XKR9: variants seen among roughly 807,000 people sequenced by gnomAD.
XKR9 encodes XK-related protein 9.
Under a neutral mutation model 32.0 loss-of-function variants are expected in XKR9, and 32 were observed. The ratio of observed to expected loss-of-function variants is 1.00; its 90% CI spans 0.76 to 1.34. The LOEUF is 1.34. XKR9 is among the 40% of genes most tolerant of loss of function. The probability of loss-of-function intolerance (pLI) is 0.00; values close to 1 mark genes in which losing one functional copy is unlikely to be tolerated. For missense variants in XKR9, 546 were observed against 429.7 expected, an observed-to-expected ratio of 1.27 and a Z score of -2.39; for synonymous variants, 168 against 143.4, an observed-to-expected ratio of 1.17 and a Z score of -1.22.
the XKR9 span, among the ~76,000 whole-genome samples, chr8:71,032,300 A>AAAAAAAC: frequency 6.7e-6 from 1 of 148,934 alleles, no homozygotes; most frequent in Non-Finnish European, 1.5e-5. Flanking sequence ...AAAAAAAAAA[A>AAAAAAAC]AAAAAAAACC....
At chr8:70,807,730 G>T in the XKR9 span, among the ~76,000 whole-genome samples, 1 of 152,182 alleles carries the variant, frequency 6.6e-6, no homozygotes, top group Non-Finnish European at 1.5e-5. Context: ...AAATATATAT[G>T]CACCAAATAC....
the XKR9 span, among the ~76,000 whole-genome samples, chr8:71,041,708 A>T: frequency 1.3e-5 from 2 of 152,046 alleles, no homozygotes; most frequent in Admixed American, 1.3e-4. Context: ...GATGGTTTAA[A>T]AGTGTCAGTT....
At chr8:70,920,711 CCTTTT>C in the XKR9 span, among the ~76,000 whole-genome samples, 28 of 151,486 alleles carry the variant, frequency 1.8e-4, no homozygotes, top group Non-Finnish European at 4.0e-4. Context: ...TTATTTTTTT[CCTTTT>C]CTTTTCTGTT....
At chr8:70,864,110 T>G in the XKR9 span, among the ~76,000 whole-genome samples, 978 of 152,342 alleles carry the variant, frequency 6.4e-3, 9 homozygotes, top group Non-Finnish European at 0.011. Flanking sequence ...TATTGAGCAC[T>G]GGCTATGTGC....
intron 4 of XKR9, among the ~76,000 whole-genome samples, chr8:70,715,777 A>C (rs142545152): frequency 3.9e-4 from 60 of 152,334 alleles, no homozygotes; most frequent in African/African-American, 1.4e-3. Flanking sequence ...TAACCTTAAC[A>C]GTGAAATTAA....
chr8:70,794,279 A>C (rs964596188), downstream of XKR9, among the ~76,000 whole-genome samples: 2 of 152,056 alleles, frequency 1.3e-5, no homozygotes, highest in Non-Finnish European at 2.9e-5. Flanking sequence ...TTTACAGTTA[A>C]GATCATGCCA....
At chr8:71,022,405 T>A in the XKR9 span, among the ~76,000 whole-genome samples, 2 of 152,200 alleles carry the variant, frequency 1.3e-5, no homozygotes, top group African/African-American at 4.8e-5. Context: ...TATAGTACTC[T>A]TGATTGGCAG....
chr8:70,679,921 A>G (rs1453163419), intron 2 of XKR9, among the ~76,000 whole-genome samples: 9 of 152,156 alleles, frequency 5.9e-5, no homozygotes, highest in Non-Finnish European at 8.8e-5. Context: ...TTCTCCAGTC[A>G]TTGAGATTCT....
the XKR9 span, among the ~76,000 whole-genome samples, chr8:70,995,714 C>G: frequency 6.6e-6 from 1 of 152,116 alleles, no homozygotes; most frequent in Non-Finnish European, 1.5e-5. Flanking sequence ...TAGGGTCTTG[C>G]TCTGTTGCCC....
intron 2 of XKR9, among the ~76,000 whole-genome samples, chr8:70,768,118 GTT>G (rs1807403292): frequency 6.6e-6 from 1 of 152,032 alleles, no homozygotes; most frequent in Non-Finnish European, 1.5e-5. Context: ...CTGGTATATT[GTT>G]TCTTTGTTCT....
chr8:70,776,869 A>G (rs1036077793), intron 2 of XKR9, among the ~76,000 whole-genome samples: 2 of 149,836 alleles, frequency 1.3e-5, no homozygotes, highest in African/African-American at 4.9e-5. Context: ...CTGGCCTGCC[A>G]TTACATTCTT....
chr8:71,000,794 G>A, the XKR9 span, among the ~76,000 whole-genome samples: 1 of 152,184 alleles, frequency 6.6e-6, no homozygotes, highest in Non-Finnish European at 1.5e-5. Flanking sequence ...GTGTGGACCT[G>A]CCGCAAGAAG....
At chr8:70,963,656 C>T in the XKR9 span, among the ~76,000 whole-genome samples, 1 of 152,146 alleles carries the variant, frequency 6.6e-6, no homozygotes, top group Non-Finnish European at 1.5e-5. Context: ...TAACAATAGC[C>T]ATTCTGACTG....
At chr8:70,804,828 G>T in the XKR9 span, among the ~76,000 whole-genome samples, 1 of 151,974 alleles carries the variant, frequency 6.6e-6, no homozygotes, top group Admixed American at 6.6e-5. Context: ...ATTTTATTTT[G>T]CATATTTCAC....
chr8:70,826,875 TA>T, the XKR9 span, among the ~76,000 whole-genome samples: 1 of 152,242 alleles, frequency 6.6e-6, no homozygotes, highest in South Asian at 2.1e-4. Flanking sequence ...AAGTGTAGTT[TA>T]AAAAGAAAAA....
the XKR9 span, among the ~76,000 whole-genome samples, chr8:70,803,484 C>T: frequency 6.6e-6 from 1 of 152,202 alleles, no homozygotes; most frequent in South Asian, 2.1e-4. Context: ...TGCTGGGGAA[C>T]TAGTGCAATC....
At chr8:71,015,362 C>G in the XKR9 span, among the ~76,000 whole-genome samples, 1 of 152,116 alleles carries the variant, frequency 6.6e-6, no homozygotes, top group African/African-American at 2.4e-5. Flanking sequence ...GTTGCAAGCA[C>G]GCTCTCCCCA....
chr8:71,063,572 G>T, the XKR9 span, among the ~76,000 whole-genome samples: 2 of 151,244 alleles, frequency 1.3e-5, no homozygotes, highest in East Asian at 3.9e-4. Context: ...AAAAGAGAAA[G>T]AAAAGAAAAA....
chr8:71,060,673 A>G, the XKR9 span, among the ~76,000 whole-genome samples: 1 of 152,072 alleles, frequency 6.6e-6, no homozygotes, highest in Non-Finnish European at 1.5e-5. Context: ...GCCTCTCACA[A>G]CCCTTCAAAT....
Sources: gnomAD v4.1 joint callset for allele counts (sites outside exome capture counted in the v4.1 genomes callset) on GRCh38, gnomAD v4.1.1 for gene constraint, MANE v1.5 for transcripts, NCBI Gene and HGNC (gene_info 2026-07-23, HGNC 2026-07-21) for gene names.